STX11: variants seen among roughly 807,000 people sequenced by gnomAD.
The protein encoded by STX11 is syntaxin-11.
A neutral mutation model predicts 19.9 loss-of-function variants in STX11; 21 were observed. That is an observed-to-expected ratio of 1.06 (90% CI 0.75 to 1.52). STX11 has a LOEUF of 1.52. Ranked by LOEUF, STX11 falls within the 40% of genes most tolerant of loss-of-function variation. The pLI, the probability that STX11 is intolerant of heterozygous loss-of-function variation, is 0.00. For synonymous variants in STX11, 193 were observed against 174.4 expected (o/e 1.11, Z -0.84); for missense variants, 438 against 405.9 (o/e 1.08, Z -0.68).
rs941966692 is a variant in STX11, at chr6:144,150,641, A to G, written c.-68A>G. The G allele has an allele frequency of 2.0e-6, 2 of 984,924 alleles. No individual in the cohort carries two copies. Among genetic ancestry groups the G allele is most frequent in the Non-Finnish European group, 2.4e-6 (2 of 829,872 alleles). 61.0% of individuals were successfully genotyped at this position (984,924 alleles called of 1,614,324 possible). On this transcript the variant is annotated 5_prime_UTR_variant, in exon 1 of 2. Transcript: ENST00000367568. ...GGTTTCCTTCTCCATCGCTGCGCCC[A>G]CAGGGGACGCGCGCCCTGCCGGGAG...
rs1165149442 is a variant in STX11, at chr6:144,187,377, A to G, written c.750A>G (p.Gln250=). 13 of 1,610,540 alleles carry G rather than the reference A, an allele frequency of 8.1e-6. No homozygotes were observed. In the South Asian group the frequency reaches 1.3e-4, roughly 16 times the overall value. ...DTLNVIELNV[Q]KTVDYTGQAK... ...TGAACGTCATCGAGCTCAACGTACA[A>G]AAGACGGTCGACTACACCGGCCAGG... The change falls in exon 2 of 2, where the codon CAA becomes CAG. Residue 250 remains glutamine, a synonymous_variant. Coordinates refer to ENST00000367568, the MANE Select transcript of STX11 (RefSeq NM_003764.4). This position sits in a 1 kb window ranked among gnomAD's most constrained non-coding sequence, Gnocchi z 5.6.
the STX11 span, among the ~76,000 whole-genome samples, chr6:144,144,081 C>CA: frequency 6.6e-6 from 1 of 152,212 alleles, no homozygotes; most frequent in Non-Finnish European, 1.5e-5. Context: ...GTGCTTACTA[C>CA]AGTCATTCAT....
intron 1 of STX11, among the ~76,000 whole-genome samples, chr6:144,173,746 T>C (rs923220629): frequency 1.3e-5 from 2 of 152,204 alleles, no homozygotes; most frequent in African/African-American, 4.8e-5. Flanking sequence ...GCCTATGATA[T>C]GGGCTGCCTT....
rs1221761458 is a variant in STX11 at position 144,179,010 on chromosome 6, A to G, written c.-5-7613A>G. ...ATATCTGAGACTGGGCAATTTACAA[A>G]AGAAAGAGGTTTAATGGACTTACAG... On this transcript the variant is annotated intron_variant, in intron 1 of 1. Coordinates refer to ENST00000367568, the MANE Select transcript of STX11 (RefSeq NM_003764.4). Among the ~76,000 whole-genome samples the G allele has an allele frequency of 3.6e-4, 55 of 152,218 alleles. 1 individual carries two copies. Among genetic ancestry groups the G allele is most frequent in the Admixed American group, 3.6e-3 (55 of 15,282 alleles).
rs975282573 is a variant in STX11, at chr6:144,169,220, C to T, written c.-5-17403C>T. Among the ~76,000 whole-genome samples, 1 of 152,210 alleles carries T rather than the reference C, an allele frequency of 6.6e-6. No homozygotes were observed. Among genetic ancestry groups the T allele is most frequent in the Non-Finnish European group, 1.5e-5 (1 of 68,034 alleles). ...GTTCTGTCCTTGGCATCCTTAATTCCTGTAGAGGCTGTCTCAGCTCTAGTC... is the reference window on the plus strand; with the variant it reads ...GTTCTGTCCTTGGCATCCTTAATTCTTGTAGAGGCTGTCTCAGCTCTAGTC... On this transcript the variant is annotated intron_variant, in intron 1 of 1. Coordinates refer to ENST00000367568, the MANE Select transcript of STX11 (RefSeq NM_003764.4). The surrounding 1 kb of genome is among the most constrained non-coding windows in gnomAD (Gnocchi z 5.2).
intron 1 of STX11, among the ~76,000 whole-genome samples, chr6:144,157,244 G>T (rs1801195627): frequency 6.6e-6 from 1 of 152,212 alleles, no homozygotes; most frequent in African/African-American, 2.4e-5. Flanking sequence ...CCTCAACAGG[G>T]AGGAGCTTGG....
At position 144,153,406 on chromosome 6, in the gene STX11, GAC is replaced by G. The variant is rs1326941265; in HGVS notation, c.-6+2704_-6+2705del. Among the ~76,000 whole-genome samples, 2 of 152,108 alleles carry G rather than the reference GAC, an allele frequency of 1.3e-5. No individual in the cohort carries two copies. The highest frequency in any genetic ancestry group is 1.3e-4 in the Admixed American group (2 of 15,270). ...GCAAGTGGAATTGTCTGCTGTAGGT[GAC>G]CCAGCAGAAGGAACAGCACCCATAG... is the stretch of plus-strand genomic sequence containing the variant. On this transcript the variant is annotated intron_variant, in intron 1 of 1. Coordinates refer to ENST00000367568, the MANE Select transcript of STX11 (RefSeq NM_003764.4). This position sits in a 1 kb window ranked among gnomAD's most constrained non-coding sequence, Gnocchi z 5.0.
Position 144,184,347 on chromosome 6 carries a change from CA to C in STX11, c.-5-2275del, listed in dbSNP as rs1214531747. Among the ~76,000 whole-genome samples the C allele has an allele frequency of 3.3e-5, 5 of 152,172 alleles. No individual in the cohort carries two copies. Among genetic ancestry groups the C allele is most frequent in the African/African-American group, 1.2e-4 (5 of 41,436 alleles). On this transcript the variant is annotated intron_variant, in intron 1 of 1. Coordinates refer to ENST00000367568, the MANE Select transcript of STX11 (RefSeq NM_003764.4). The surrounding 1 kb of genome is among the most constrained non-coding windows in gnomAD (Gnocchi z 6.5). The stretch of plus-strand genomic sequence containing the variant: ...AAAAGCATTCCTATTTCTTCACAAC[CA>C]CCATCAGCATCTGTTGTTTCTTGAC...
chr6:144,174,173 G>A lies in STX11; in HGVS notation c.-5-12450G>A, dbSNP rs1801716113. ...AGGCTAGCCCAGGCTTCGTCATATA[G>A]TGGAATTAAGCTACCCAATAGCAAG... On this transcript the variant is annotated intron_variant, in intron 1 of 1. Transcript: ENST00000367568. This position sits in a 1 kb window ranked among gnomAD's most constrained non-coding sequence, Gnocchi z 5.3. 6.6e-6 allele frequency among the ~76,000 whole-genome samples: 1 copy of A among 152,108 alleles called. No homozygotes were observed. The highest frequency in any genetic ancestry group is 2.4e-5 in the African/African-American group (1 of 41,408).
intron 1 of STX11, among the ~76,000 whole-genome samples, chr6:144,161,374 T>G (rs1801333536): frequency 6.7e-6 from 1 of 150,004 alleles, no homozygotes; most frequent in Non-Finnish European, 1.5e-5. Context: ...GGAAATTTTC[T>G]TTTTTTCTCC....
In STX11 at chr6:144,187,274, G is replaced by T; in HGVS notation, c.647G>T (p.Arg216Leu). The T allele has an allele frequency of 3.1e-6, 5 of 1,613,284 alleles. No individual in the cohort carries two copies. Among genetic ancestry groups the T allele is most frequent in the Non-Finnish European group, 4.2e-6 (5 of 1,179,940 alleles). ...EIESRHRELL[R>L]LESRIRDVHE... is the part of the protein sequence containing the mutation. The stretch of plus-strand genomic sequence containing the variant: ...GAGAGCCGCCACCGCGAACTGCTGC[G>T]CCTGGAGAGCCGCATCCGCGACGTA... Residue 216 changes from arginine (R) to leucine (L), a missense_variant, in exon 2 of 2, where the codon CGC (arginine) becomes CTC (leucine). Arg to Leu is a moderately radical substitution (Grantham distance 102). Coordinates refer to ENST00000367568, the MANE Select transcript of STX11 (RefSeq NM_003764.4). This position sits in a 1 kb window ranked among gnomAD's most constrained non-coding sequence, Gnocchi z 5.6.
upstream of STX11, among the ~76,000 whole-genome samples, chr6:144,148,500 A>G (rs1241390240): frequency 1.3e-5 from 2 of 152,064 alleles, no homozygotes; most frequent in African/African-American, 2.4e-5. Context: ...TTACAGAACA[A>G]CTGCAAAGGT....
rs931657284 is a variant in STX11, at chr6:144,170,190, C to A, written c.-5-16433C>A. On this transcript the variant is annotated intron_variant, in intron 1 of 1. Coordinates refer to ENST00000367568, the MANE Select transcript of STX11 (RefSeq NM_003764.4). This position sits in a 1 kb window ranked among gnomAD's most constrained non-coding sequence, Gnocchi z 4.7. The stretch of plus-strand genomic sequence containing the variant: ...TGTTACTCATAGAAGTATCTGCAGG[C>A]CTTTTTGAAATTTTCAAAAATGTCA... Among the ~76,000 whole-genome samples, 1 of 152,106 alleles carries A rather than the reference C, an allele frequency of 6.6e-6. No individual in the cohort carries two copies. The highest frequency in any genetic ancestry group is 1.5e-5 in the Non-Finnish European group (1 of 68,030).
chr6:144,145,487 T>C, the STX11 span, among the ~76,000 whole-genome samples: 2 of 152,322 alleles, frequency 1.3e-5, no homozygotes, highest in Middle Eastern at 3.4e-3. Context: ...ATAGCCAAGA[T>C]ATAGAATCAA....
At position 144,152,705 on chromosome 6, in the gene STX11, C is replaced by T. The variant is rs1400612998; in HGVS notation, c.-6+2002C>T. ...CTGGAGTGTGGTGGTGCAATCTTGGCTCACTGCAACCTCCACCTCCTGCGT... is the reference window on the plus strand; with the variant it reads ...CTGGAGTGTGGTGGTGCAATCTTGGTTCACTGCAACCTCCACCTCCTGCGT... On this transcript the variant is annotated intron_variant, in intron 1 of 1. Coordinates refer to ENST00000367568, the MANE Select transcript of STX11 (RefSeq NM_003764.4). This position sits in a 1 kb window ranked among gnomAD's most constrained non-coding sequence, Gnocchi z 4.9. Among the ~76,000 whole-genome samples the T allele has an allele frequency of 6.6e-6, 1 of 152,236 alleles. No homozygotes were observed. The highest frequency in any genetic ancestry group is 2.4e-5 in the African/African-American group (1 of 41,458).
chr6:144,178,859 CT>C (rs1290638010), intron 1 of STX11, among the ~76,000 whole-genome samples: 4 of 150,514 alleles, frequency 2.7e-5, no homozygotes, highest in African/African-American at 9.8e-5. Context: ...TTTAAATTAA[CT>C]TCGGAGCAGC....
At position 144,191,307 on chromosome 6, in the gene STX11, TGTCA is replaced by T. The variant is rs1802202774; in HGVS notation, c.*3821_*3824del. Among the ~76,000 whole-genome samples the T allele has an allele frequency of 6.7e-6, 1 of 149,058 alleles. No homozygotes were observed. The highest frequency in any genetic ancestry group is 2.5e-5 in the African/African-American group (1 of 40,124). On this transcript the variant is annotated 3_prime_UTR_variant, in exon 2 of 2. Transcript: ENST00000367568. The stretch of plus-strand genomic sequence containing the variant: ...ATAATATGAGTTAGAATTTTAAAAA[TGTCA>T]GTCATTCAAAAATATTTGAACTGTG...
At chr6:144,145,232 A>G in the STX11 span, among the ~76,000 whole-genome samples, 17,604 of 152,236 alleles carry the variant, frequency 0.12, 1,735 homozygotes, top group African/African-American at 0.25. Flanking sequence ...GGAAGGAAAT[A>G]CTGACACATG....
Position 144,151,432 on chromosome 6 carries a change from C to T in STX11, c.-6+729C>T. ...TATCCAAAAATGAGTCACAGGGCTG[C>T]TCTCTTAATTGTGAGACTTTGTTAA... is the stretch of plus-strand genomic sequence containing the variant. On this transcript the variant is annotated intron_variant, in intron 1 of 1. Transcript: ENST00000367568. The surrounding 1 kb of genome is among the most constrained non-coding windows in gnomAD (Gnocchi z 4.6). 1 of 985,250 alleles carries T rather than the reference C, an allele frequency of 1.0e-6. No homozygotes were observed. Among genetic ancestry groups the T allele is most frequent in the South Asian group, 4.7e-5 (1 of 21,276 alleles). The allele number at this position is 985,250 out of a possible 1,614,324, so 61.0% of individuals were successfully genotyped here. A position where few individuals can be genotyped will look rare whatever the true frequency, so the allele number is the denominator to read the frequency against.
Sources: allele counts gnomAD v4.1 joint callset (sites outside exome capture counted in the v4.1 genomes callset), GRCh38; gene constraint gnomAD v4.1.1; non-coding constraint Gnocchi (gnomAD v3.1); transcripts MANE v1.5; gene names NCBI Gene and HGNC (gene_info 2026-07-23, HGNC 2026-07-21).